SNX31: variants seen among roughly 807,000 people sequenced by gnomAD.
SNX31 encodes sorting nexin-31.
In SNX31, 58 loss-of-function variants were observed where a neutral mutation model predicts 65.4. The observed-to-expected ratio is 0.89, with a 90% CI of 0.72 to 1.10. SNX31 has a LOEUF of 1.10. Among genes scored for constraint, SNX31 ranks in the 50% least tolerant of loss-of-function variants. The pLI is 0.00. For missense variants in SNX31, 523 were observed against 529.7 expected (o/e 0.99, Z 0.12); for synonymous variants, 181 against 190.1 (o/e 0.95, Z 0.39).
At chr8:100,581,160 G>A (rs186846253) in intron 12 of SNX31, among the ~76,000 whole-genome samples, 20 of 151,320 alleles carry the variant, frequency 1.3e-4, no homozygotes, top group Admixed American at 3.9e-4. Context: ...TTAGCTGGGT[G>A]TGGTGGCACA....
intron 8 of SNX31, among the ~76,000 whole-genome samples, chr8:100,602,462 T>C (rs886209323): frequency 6.6e-6 from 1 of 152,236 alleles, no homozygotes; most frequent in Non-Finnish European, 1.5e-5. Context: ...GAGGGATGCC[T>C]GGTACTGTCA....
chr8:100,653,217 G>A (rs919403521), upstream of SNX31, among the ~76,000 whole-genome samples: 2 of 152,106 alleles, frequency 1.3e-5, no homozygotes, highest in African/African-American at 4.8e-5. Flanking sequence ...AGGGTCTTTG[G>A]AATTTGAGGA....
Position 100,649,285 on chromosome 8 carries a change from A to T in SNX31, c.130T>A (p.Trp44Arg). Residue 44 changes from tryptophan (W) to arginine (R), a missense_variant, in exon 2 of 14, where the codon TGG becomes AGG. Trp to Arg is a moderately radical substitution (Grantham distance 101). Coordinates refer to ENST00000311812, the MANE Select transcript of SNX31 (RefSeq NM_152628.4). ...TCCAATCTGCTCACCTGTTCGTTCC[A>T]ACCGTGCAGCTGGCTGTAGCGCACC... ...CRVRYSQLHG[W>R]NEQLRRVFGN... 6.2e-7 allele frequency: 1 copy of T among 1,614,024 alleles called. No homozygotes were observed. The highest frequency in any genetic ancestry group is 1.1e-5 in the South Asian group (1 of 91,076).
At chr8:100,597,353 TGCCTCA>T (rs1332791758) in intron 9 of SNX31, among the ~76,000 whole-genome samples, 7 of 152,146 alleles carry the variant, frequency 4.6e-5, no homozygotes, top group Admixed American at 2.0e-4. Flanking sequence ...GTGATTATCC[TGCCTCA>T]GCCTCCCAAG....
intron 10 of SNX31, among the ~76,000 whole-genome samples, chr8:100,591,747 C>T (rs979047884): frequency 1.1e-4 from 17 of 151,106 alleles, no homozygotes; most frequent in Admixed American, 9.9e-4. Context: ...GAGGATCTCT[C>T]GAGCCCACAG....
At chr8:100,581,141 A>G (rs1813464684) in intron 12 of SNX31, among the ~76,000 whole-genome samples, 1 of 151,184 alleles carries the variant, frequency 6.6e-6, no homozygotes, top group Admixed American at 6.6e-5. Flanking sequence ...ACAAAAAAAA[A>G]AAAAAAAATT....
At chr8:100,659,353 C>CAA (rs148671568) in intron 1 of SNX31, among the ~76,000 whole-genome samples, 920 of 68,518 alleles carry the variant, frequency 0.013, no homozygotes, top group Non-Finnish European at 0.019. Flanking sequence ...AACTCCATCA[C>CAA]AAAAAAAAAA....
chr8:100,591,488 CAA>C (rs71274986), intron 10 of SNX31, among the ~76,000 whole-genome samples: 29,892 of 76,046 alleles, frequency 0.39, 2,868 homozygotes, highest in Admixed American at 0.45. Flanking sequence ...GACTCCGTCT[CAA>C]AAAAAAAAAA....
At chr8:100,633,029 A>G (rs759520423) in intron 3 of SNX31, among the ~76,000 whole-genome samples, 15 of 152,110 alleles carry the variant, frequency 9.9e-5, no homozygotes, top group South Asian at 4.2e-4. Context: ...GGCTCCAGCA[A>G]TCCTCCCACC....
rs1236559274 is a variant in SNX31 at position 100,614,717 on chromosome 8, AAAAAATAC to A, written c.433-1640_433-1633del. Among the ~76,000 whole-genome samples the A allele has an allele frequency of 2.0e-5, 3 of 152,014 alleles. No individual in the cohort carries two copies. The highest frequency in any genetic ancestry group is 4.4e-5 in the Non-Finnish European group (3 of 67,990). On this transcript the variant is annotated intron_variant, in intron 5 of 13. Coordinates refer to ENST00000311812, the MANE Select transcript of SNX31 (RefSeq NM_152628.4). This position sits in a 1 kb window ranked among gnomAD's most constrained non-coding sequence, Gnocchi z 5.1. ...TAGTGAAACCCCATCTCTACTTAAA[AAAAAATAC>A]AAAAATTAGCTGGGTATGGTGGCAC...
chr8:100,584,969 C>T (rs1813906311), intron 11 of SNX31, among the ~76,000 whole-genome samples: 1 of 152,060 alleles, frequency 6.6e-6, no homozygotes, highest in South Asian at 2.1e-4. Flanking sequence ...AAGTGATCCA[C>T]CCGCCTCGCC....
At chr8:100,617,767 C>CT (rs747344881) in intron 4 of SNX31, 37 bp from the exon 5 acceptor site, 103,759 of 1,259,794 alleles carry the variant, frequency 0.082, 20 homozygotes, top group Non-Finnish European at 0.088. Context: ...ATTTCCACAC[C>CT]TTTTTTTTTT....
At position 100,574,623 on chromosome 8, in the gene SNX31, C is replaced by T. The variant is rs1389066484; in HGVS notation, c.1228-663G>A. On this transcript the variant is annotated intron_variant, in intron 13 of 13. Coordinates refer to ENST00000311812, the MANE Select transcript of SNX31 (RefSeq NM_152628.4). ...ACTTCAGCCTGGCAACAGAGTGAGA[C>T]TCCGTCTAAAAAAAAAAAAAAAAAG... 5.8e-5 allele frequency among the ~76,000 whole-genome samples: 7 copies of T among 120,124 alleles called. No individual in the cohort carries two copies. In the Admixed American group the frequency reaches 5.9e-4, roughly 10 times the overall value. 78.8% of individuals were successfully genotyped at this position (120,124 alleles called of 152,430 possible). A position where few individuals can be genotyped will look rare whatever the true frequency, so the allele number is the denominator to read the frequency against.
chr8:100,618,404 G>A, intron 4 of SNX31: 1 of 1,342,008 alleles, frequency 7.5e-7, no homozygotes, highest in South Asian at 1.3e-5. Context: ...GTGGGTGGGG[G>A]CAGGGGGAAG....
chr8:100,628,568 C>T (rs981687473), intron 4 of SNX31, among the ~76,000 whole-genome samples: 39 of 137,280 alleles, frequency 2.8e-4, no homozygotes, highest in Non-Finnish European at 4.9e-4. Context: ...GGAAGGGGAA[C>T]ATCACACACT....
intron 11 of SNX31, among the ~76,000 whole-genome samples, chr8:100,584,847 T>C (rs1395406170): frequency 6.6e-6 from 1 of 151,588 alleles, no homozygotes; most frequent in Non-Finnish European, 1.5e-5. Context: ...CCTCCTTGGT[T>C]CAAGCGATTC....
chr8:100,658,966 T>C (rs1374403889), intron 1 of SNX31, among the ~76,000 whole-genome samples: 1 of 152,132 alleles, frequency 6.6e-6, no homozygotes, highest in Non-Finnish European at 1.5e-5. Context: ...GTGGAAAATA[T>C]GTTGATTTAA....
chr8:100,620,944 C>T (rs1269657721), intron 4 of SNX31, among the ~76,000 whole-genome samples: 1 of 151,812 alleles, frequency 6.6e-6, no homozygotes, highest in Admixed American at 6.6e-5. Context: ...ATGGTGAAAC[C>T]CTATCTCTAC....
chr8:100,589,564 C>T (rs77613917), intron 10 of SNX31, among the ~76,000 whole-genome samples: 18,593 of 152,050 alleles, frequency 0.12, 1,530 homozygotes, highest in African/African-American at 0.23. Flanking sequence ...CCAAGTTTGT[C>T]GTGGTGGTTT....
Sources: gnomAD v4.1 joint callset for allele counts (sites outside exome capture counted in the v4.1 genomes callset) on GRCh38, gnomAD v4.1.1 for gene constraint, Gnocchi (gnomAD v3.1) non-coding constraint, MANE v1.5 for transcripts, NCBI Gene and HGNC (gene_info 2026-07-23, HGNC 2026-07-21) for gene names.